Variants in ATRNL1 observed in about 807,000 individuals in gnomAD.
The protein encoded by ATRNL1 is attractin-like protein 1.
ATRNL1 carries 95 observed loss-of-function variants against 182.7 expected under a neutral mutation model. That is an observed-to-expected ratio of 0.52 (90% confidence interval 0.44 to 0.62). The LOEUF (loss-of-function observed/expected upper bound fraction) is 0.62, where lower values mean the gene tolerates loss of function less well. Ranked by LOEUF, ATRNL1 falls within the 20% of genes least tolerant of loss-of-function variation. ATRNL1 has a pLI of 0.00. For synonymous variants in ATRNL1, 576 were observed against 568.3 expected (o/e 1.01, Z -0.19); for missense variants, 1,471 against 1,679.5 (o/e 0.88, Z 2.17).
intron 27 of ATRNL1, among the ~76,000 whole-genome samples, chr10:115,740,370 T>C (rs1593152561): frequency 2.7e-3 from 1 of 364 alleles, no homozygotes; most frequent in Admixed American, 0.5. Context: ...ATTAATGACA[T>C]ATAAAAGTGG....
chr10:115,140,581 T>C (rs1554877799), intron 5 of ATRNL1, among the ~76,000 whole-genome samples: 1 of 152,194 alleles, frequency 6.6e-6, no homozygotes, highest in Non-Finnish European at 1.5e-5. Context: ...ATCATTTATA[T>C]GTAAGAGAGT....
At chr10:115,824,412 AC>A (rs1950377252) in intron 27 of ATRNL1, among the ~76,000 whole-genome samples, 1 of 152,084 alleles carries the variant, frequency 6.6e-6, no homozygotes, top group South Asian at 2.1e-4. Context: ...GGCAACAAAA[AC>A]CAAAACTGGA....
chr10:115,757,287 T>A lies in ATRNL1; in HGVS notation c.3903+29932T>A, dbSNP rs567016296. Among the ~76,000 whole-genome samples the A allele has an allele frequency of 6.6e-5, 10 of 152,340 alleles. No homozygotes were observed. In the East Asian group the frequency reaches 1.9e-3, roughly 29 times the overall value. ...TTTACAATTTGGTATGTTTTTGCAG[T>A]GGCTGGTACCAGTTGTTTCTTTCCA... is the stretch of plus-strand genomic sequence containing the variant. On this transcript the variant is annotated intron_variant, in intron 27 of 28. Transcript: ENST00000355044.
At chr10:115,799,654 G>A (rs1201622040) in intron 27 of ATRNL1, among the ~76,000 whole-genome samples, 8 of 152,074 alleles carry the variant, frequency 5.3e-5, no homozygotes, top group Non-Finnish European at 1.2e-4. Context: ...TTCAGCCCAG[G>A]GTAGGTGAAA....
At chr10:115,740,959 C>T (rs1271572237) in intron 27 of ATRNL1, among the ~76,000 whole-genome samples, 1 of 152,116 alleles carries the variant, frequency 6.6e-6, no homozygotes, top group Non-Finnish European at 1.5e-5. Flanking sequence ...CATCCCAGCA[C>T]ATTTTGGAAA....
intron 28 of ATRNL1, among the ~76,000 whole-genome samples, chr10:115,939,092 A>C (rs1204008462): frequency 6.6e-6 from 1 of 152,254 alleles, no homozygotes; most frequent in Non-Finnish European, 1.5e-5. Flanking sequence ...CAATGTATAC[A>C]TAGGTCAAAA....
chr10:115,290,817 A>G (rs931479431), intron 15 of ATRNL1, among the ~76,000 whole-genome samples: 2 of 152,198 alleles, frequency 1.3e-5, no homozygotes, highest in Non-Finnish European at 2.9e-5. Flanking sequence ...TCTGATTTAC[A>G]TAGAGCCCAA....
chr10:115,734,802 T>C (rs1593143678), intron 27 of ATRNL1, among the ~76,000 whole-genome samples: 1 of 152,278 alleles, frequency 6.6e-6, no homozygotes, highest in East Asian at 1.9e-4. Flanking sequence ...AATTTCCTAT[T>C]ATTTTTCCAT....
At chr10:115,847,644 A>G (rs968632285) in intron 27 of ATRNL1, among the ~76,000 whole-genome samples, 17 of 152,186 alleles carry the variant, frequency 1.1e-4, no homozygotes, top group Non-Finnish European at 2.2e-4. Context: ...CAAAAGTTGC[A>G]TAACTTTGTG....
chr10:115,138,135 G>A (rs1401044370), intron 5 of ATRNL1, among the ~76,000 whole-genome samples: 7 of 152,202 alleles, frequency 4.6e-5, no homozygotes, highest in Non-Finnish European at 8.8e-5. Context: ...GATGCAAGAG[G>A]TGGGCTCCCA....
chr10:115,466,555 T>G (rs1172789045), intron 22 of ATRNL1, among the ~76,000 whole-genome samples: 1 of 151,278 alleles, frequency 6.6e-6, no homozygotes, highest in Non-Finnish European at 1.5e-5. Flanking sequence ...GTAAAGAGTC[T>G]GTACTCCACT....
intron 25 of ATRNL1, among the ~76,000 whole-genome samples, chr10:115,543,073 T>C (rs1303291603): frequency 2.6e-5 from 4 of 152,206 alleles, no homozygotes; most frequent in Admixed American, 2.6e-4. Context: ...ATTCAGTTCA[T>C]ACCAGGGAGT....
In ATRNL1 at chr10:115,165,645, G is replaced by A. The variant is rs782012533; in HGVS notation, c.1092G>A (p.Gln364=). Residue 364 remains glutamine, a splice_region_variant and synonymous_variant, in exon 7 of 29, where the codon CAG becomes CAA. Transcript: ENST00000355044. ...QRYGHSLALY[Q]ENIFMYGGRI... ...ATGGACACTCTCTTGCTTTATATCA[G>A]GTATGGCTCCTGCTTTTTAAATTTT... The A allele has an allele frequency of 6.7e-7, 1 of 1,484,856 alleles. No homozygotes were observed. The highest frequency in any genetic ancestry group is 1.9e-5 in the Admixed American group (1 of 52,388). The allele number at this position is 1,484,856 out of a possible 1,614,324, so 92.0% of individuals were successfully genotyped here.
chr10:115,280,903 C>A (rs1662732707), intron 13 of ATRNL1, among the ~76,000 whole-genome samples: 1 of 152,184 alleles, frequency 6.6e-6, no homozygotes, highest in East Asian at 1.9e-4. Flanking sequence ...TATAAGGGGT[C>A]AATCTATGTT....
In ATRNL1 at chr10:115,696,870, CGAGA is replaced by C. The variant is rs138252590; in HGVS notation, c.3796-30352_3796-30349del. On this transcript the variant is annotated intron_variant, in intron 26 of 28. Coordinates refer to ENST00000355044, the MANE Select transcript of ATRNL1 (RefSeq NM_207303.4). ...CAGGTACAGTCATCACATATCAGAG[CGAGA>C]GAGAGAGAGAGAGAGAGAGAGAGAG... 6.5e-3 allele frequency among the ~76,000 whole-genome samples: 877 copies of C among 133,964 alleles called. 7 individuals are homozygous for C. The highest frequency in any genetic ancestry group is 0.021 in the African/African-American group (733 of 35,612). 87.9% of individuals were successfully genotyped at this position (133,964 alleles called of 152,430 possible).
At chr10:115,362,745 C>G (rs548454424) in intron 19 of ATRNL1, among the ~76,000 whole-genome samples, 44 of 152,096 alleles carry the variant, frequency 2.9e-4, no homozygotes, top group African/African-American at 9.4e-4. Context: ...TGTTCAATTC[C>G]CACCAATGAG....
chr10:115,497,312 G>T (rs2133615623), intron 24 of ATRNL1, among the ~76,000 whole-genome samples: 1 of 152,182 alleles, frequency 6.6e-6, no homozygotes, highest in South Asian at 2.1e-4. Flanking sequence ...TCTTTCTCCT[G>T]AATCTCCTGA....
At chr10:115,356,174 T>C (rs1856496487) in intron 19 of ATRNL1, among the ~76,000 whole-genome samples, 1 of 152,018 alleles carries the variant, frequency 6.6e-6, no homozygotes, top group Admixed American at 6.6e-5. Context: ...TTCTCACACA[T>C]TGTAGATTAT....
chr10:115,120,921 A>G (rs1216989692), intron 2 of ATRNL1, among the ~76,000 whole-genome samples: 2 of 152,172 alleles, frequency 1.3e-5, no homozygotes, highest in Non-Finnish European at 2.9e-5. Flanking sequence ...TAAAATTTAA[A>G]TAGTTTTTTA....
Sources: gnomAD v4.1 joint callset for allele counts (sites outside exome capture counted in the v4.1 genomes callset) on GRCh38, gnomAD v4.1.1 for gene constraint, MANE v1.5 for transcripts, NCBI Gene and HGNC (gene_info 2026-07-23, HGNC 2026-07-21) for gene names.